Variants in LYST observed in about 807,000 individuals in gnomAD.
The protein encoded by LYST is lysosomal-trafficking regulator.
LYST carries 192 observed loss-of-function variants against 413.6 expected under a neutral mutation model. The ratio of observed to expected loss-of-function variants is 0.46; its 90% CI spans 0.41 to 0.52. The LOEUF (loss-of-function observed/expected upper bound fraction) is 0.52, where lower values mean the gene tolerates loss of function less well. Ranked by LOEUF, LYST falls within the 20% of genes least tolerant of loss-of-function variation. LYST has a pLI of 0.00. For synonymous variants in LYST, 1,525 were observed against 1,567.3 expected (o/e 0.97, Z 0.64); for missense variants, 3,815 against 4,499.9 (o/e 0.85, Z 4.35).
intron 21 of LYST, 47 bp from the exon 22 acceptor site, chr1:235,762,898 A>C (rs757927726): frequency 2.1e-6 from 3 of 1,438,984 alleles, no homozygotes; most frequent in Non-Finnish European, 2.9e-6. Flanking sequence ...TAAAAAGGAT[A>C]AAACGAAAAT....
intron 7 of LYST, 143 bp downstream of exon 7, chr1:235,804,361 G>A (rs1231205558): frequency 6.9e-6 from 5 of 729,898 alleles, no homozygotes; most frequent in South Asian, 4.5e-5. Flanking sequence ...TATCCATCAC[G>A]AGGAGATAAG....
intron 3 of LYST, among the ~76,000 whole-genome samples, chr1:235,813,820 G>A (rs1008028037): frequency 6.6e-6 from 1 of 152,148 alleles, no homozygotes; most frequent in Non-Finnish European, 1.5e-5. Context: ...GGGACACCTG[G>A]GACATGGGTA....
rs1677743988 is a variant in LYST at position 235,845,626 on chromosome 1, C to T, written c.-97-11959G>A. Among the ~76,000 whole-genome samples the T allele has an allele frequency of 3.0e-5, 4 of 131,200 alleles. No individual in the cohort carries two copies. The South Asian group carries it at 8.6e-4, about 28-fold the overall frequency. The allele number at this position is 131,200 out of a possible 152,430, so 86.1% of individuals were successfully genotyped here. A position where few individuals can be genotyped will look rare whatever the true frequency, so the allele number is the denominator to read the frequency against. On this transcript the variant is annotated intron_variant, in intron 1 of 52. Transcript: ENST00000389793. ...GCCCATCTAGCCCTCAGCCTGGAAACAGACTCCCGGCAGTTAGGGGGGACA... is the reference window on the plus strand; with the variant it reads ...GCCCATCTAGCCCTCAGCCTGGAAATAGACTCCCGGCAGTTAGGGGGGACA...
intron 1 of LYST, among the ~76,000 whole-genome samples, chr1:235,875,956 G>A (rs1214071818): frequency 2.6e-5 from 4 of 152,016 alleles, no homozygotes; most frequent in African/African-American, 9.7e-5. Context: ...ATAGTGACTC[G>A]TGCTTGTAAT....
chr1:235,842,196 A>C (rs533520883), intron 1 of LYST, among the ~76,000 whole-genome samples: 2 of 152,062 alleles, frequency 1.3e-5, no homozygotes, highest in African/African-American at 2.4e-5. Flanking sequence ...ATGGCCAAAA[A>C]TGAGACACAG....
At chr1:235,667,978 A>C (rs1658634863) in intron 50 of LYST, among the ~76,000 whole-genome samples, 1 of 152,108 alleles carries the variant, frequency 6.6e-6, no homozygotes, top group South Asian at 2.1e-4. Flanking sequence ...GTATTCTTTA[A>C]ATCACCTCTA....
At position 235,777,278 on chromosome 1, in the gene LYST, A is replaced by G; in HGVS notation, c.5245T>C (p.Cys1749Arg). ...TCATAGATGGTATACTGAGCAGGAC[A>G]GTAAGTTGTATAAACAACTGAAAGA... The part of the protein sequence containing the change: ...ESLSVVYTTY[C>R]PAQYTIYEPV... The change falls in exon 17 of 53, where the codon TGT (cysteine) becomes CGT (arginine). Residue 1749 changes from cysteine (C) to arginine (R), a missense_variant. Around this residue, in one of 4 missense-constraint regions of LYST, gnomAD observed 530 missense variants for 696.5 expected, o/e 0.76. Coordinates refer to ENST00000389793, the MANE Select transcript of LYST (RefSeq NM_000081.4). 1 of 1,612,470 alleles carries G rather than the reference A, an allele frequency of 6.2e-7. No homozygotes were observed. The highest frequency in any genetic ancestry group is 8.5e-7 in the Non-Finnish European group (1 of 1,178,598).
chr1:235,758,897 G>A (rs540275177), intron 23 of LYST, 75 bp downstream of exon 23: 13 of 1,389,262 alleles, frequency 9.4e-6, no homozygotes, highest in Admixed American at 5.1e-5. Flanking sequence ...TAATGAAGAC[G>A]TTTCCAGAGG....
intron 34 of LYST, among the ~76,000 whole-genome samples, chr1:235,732,916 T>A (rs1228380748): frequency 6.6e-6 from 1 of 152,182 alleles, no homozygotes; most frequent in Non-Finnish European, 1.5e-5. Flanking sequence ...CTGGAAAAAA[T>A]TAAGGTTAAA....
In LYST at chr1:235,808,604, C is replaced by G; in HGVS notation, c.2214G>C (p.Val738=). The G allele has an allele frequency of 6.2e-7, 1 of 1,613,918 alleles. No homozygotes were observed. Among genetic ancestry groups the G allele is most frequent in the Non-Finnish European group, 8.5e-7 (1 of 1,179,884 alleles). The change falls in exon 5 of 53, where the codon GTG becomes GTC. Residue 738 remains valine, a synonymous_variant. Transcript: ENST00000389793. The stretch of plus-strand genomic sequence containing the variant: ...GTGCTAATTCAACTCCTCTTTGGAG[C>G]ACAGGATTAAATATGTAATTATATA... The part of the protein sequence containing the change: ...WKLYNYIFNP[V]LQRGVELAHH...
intron 18 of LYST, among the ~76,000 whole-genome samples, chr1:235,774,230 A>G (rs1668997390): frequency 6.6e-6 from 1 of 152,228 alleles, no homozygotes; most frequent in Non-Finnish European, 1.5e-5. Flanking sequence ...GTGAAAACAA[A>G]CAGCACTCAA....
intron 37 of LYST, among the ~76,000 whole-genome samples, chr1:235,728,894 C>T (rs899174742): frequency 5.3e-5 from 8 of 152,140 alleles, no homozygotes; most frequent in African/African-American, 1.9e-4. Context: ...TACATCAAAT[C>T]ACTGGAGGGC....
At position 235,693,526 on chromosome 1, in the gene LYST, G is replaced by A. The variant is rs778686375; in HGVS notation, c.10565-40C>T. On this transcript the variant is annotated intron_variant, in intron 46 of 52. Transcript: ENST00000389793. ...GAAAGAAAAGTATCAGATTGTCACT[G>A]CTCGACTGTTACATGACAGCCCAAA... 2.5e-6 allele frequency: 4 copies of A among 1,612,562 alleles called. No homozygotes were observed. In the Admixed American group the frequency reaches 5.0e-5, roughly 20 times the overall value.
chr1:235,737,925 C>G, intron 31 of LYST: 12 of 1,158,762 alleles, frequency 1.0e-5, no homozygotes, highest in East Asian at 4.2e-5. Flanking sequence ...GAGTCTGGAT[C>G]TCACTGCCGC....
At chr1:235,828,009 C>T (rs1202042312) in intron 3 of LYST, 2 of 408,872 alleles carry the variant, frequency 4.9e-6, no homozygotes, top group African/African-American at 4.4e-5. Context: ...GGCCAATAAG[C>T]AAATGAAAAA....
chr1:235,670,408 T>A (rs1226777411), intron 50 of LYST, among the ~76,000 whole-genome samples: 1 of 152,230 alleles, frequency 6.6e-6, no homozygotes, highest in East Asian at 1.9e-4. Context: ...GTCTAAGTGC[T>A]GGCTTTTCTT....
rs746394192 is a variant in LYST, at chr1:235,744,173, A to T, written c.7973-16T>A. The T allele has an allele frequency of 1.1e-5, 15 of 1,396,460 alleles. No homozygotes were observed. Among genetic ancestry groups the T allele is most frequent in the Admixed American group, 3.4e-5 (2 of 59,646 alleles). The allele number at this position is 1,396,460 out of a possible 1,614,324, so 86.5% of individuals were successfully genotyped here. On this transcript the variant is annotated splice_polypyrimidine_tract_variant and intron_variant, in intron 29 of 52. Coordinates refer to ENST00000389793, the MANE Select transcript of LYST (RefSeq NM_000081.4). ...GAATTAAATTCTTTGAATTGAAAAA[A>T]AGAATACAAAATTAGTCATATCACT... is the stretch of plus-strand genomic sequence containing the variant.
chr1:235,739,036 T>G (rs1665088623), intron 31 of LYST: 9 of 662,384 alleles, frequency 1.4e-5, no homozygotes, highest in Non-Finnish European at 2.0e-5. Flanking sequence ...ACAATAGGAT[T>G]TTAGTTGGAG....
intron 21 of LYST, among the ~76,000 whole-genome samples, chr1:235,763,932 A>G (rs1479031314): frequency 1.3e-5 from 2 of 152,058 alleles, no homozygotes. Flanking sequence ...TCGAATGTCA[A>G]CTCCTGCTTA....
Sources: gnomAD v4.1 joint callset for allele counts (sites outside exome capture counted in the v4.1 genomes callset) on GRCh38, gnomAD v4.1.1 for gene constraint, gnomAD v4.1.1 regional missense constraint, MANE v1.5 for transcripts, NCBI Gene and HGNC (gene_info 2026-07-23, HGNC 2026-07-21) for gene names.